RND3: variants seen among roughly 807,000 people sequenced by gnomAD.
RND3 encodes the protein Rho family GTPase 3, also known as rho-related GTP-binding protein RhoE.
RND3 carries 8 observed loss-of-function variants against 26.5 expected under a neutral mutation model. The observed-to-expected ratio is 0.30, with a 90% CI of 0.18 to 0.54. The LOEUF (loss-of-function observed/expected upper bound fraction) is 0.54, where lower values mean the gene tolerates loss of function less well. RND3 is among the 20% of genes least tolerant of loss of function. The pLI is 0.94. For missense variants in RND3, 207 were observed against 302.8 expected, an observed-to-expected ratio of 0.68 and a Z score of 2.35; for synonymous variants, 113 against 113.0, an observed-to-expected ratio of 1.00 and a Z score of 0.00.
chr2:150,471,192 T>C (rs1420829520), intron 5 of RND3, among the ~76,000 whole-genome samples: 1 of 152,196 alleles, frequency 6.6e-6, no homozygotes, highest in African/African-American at 2.4e-5. Flanking sequence ...GTAGGTTTTA[T>C]GAGAATGAGC....
intron 3 of RND3, among the ~76,000 whole-genome samples, chr2:150,483,253 G>A (rs1686306607): frequency 6.6e-6 from 1 of 150,880 alleles, no homozygotes; most frequent in Non-Finnish European, 1.5e-5. Flanking sequence ...CAACTAAAGA[G>A]GCCAGATAAG....
intron 3 of RND3, among the ~76,000 whole-genome samples, chr2:150,481,039 A>C (rs940409699): frequency 2.0e-5 from 3 of 152,180 alleles, no homozygotes; most frequent in African/African-American, 7.2e-5. Context: ...CAAGAACGTT[A>C]ATTTAAGTTA....
chr2:150,476,480 C>T (rs1350704030), intron 3 of RND3, among the ~76,000 whole-genome samples: 1 of 152,182 alleles, frequency 6.6e-6, no homozygotes, highest in African/African-American at 2.4e-5. Context: ...AGAGTGACAA[C>T]TTCAAGCCAC....
intron 3 of RND3, among the ~76,000 whole-genome samples, chr2:150,484,521 A>C (rs958571466): frequency 6.6e-6 from 1 of 152,064 alleles, no homozygotes; most frequent in Non-Finnish European, 1.5e-5. Context: ...GATGGGTTTC[A>C]TTCCTAAATC....
chr2:150,480,102 G>A (rs2105220954), intron 3 of RND3, among the ~76,000 whole-genome samples: 1 of 152,232 alleles, frequency 6.6e-6, no homozygotes, highest in East Asian at 1.9e-4. Context: ...ATATTTTACT[G>A]ACAGTGGAAC....
intron 4 of RND3, 128 bp from the exon 5 acceptor site, chr2:150,471,889 G>A (rs1686093112): frequency 2.6e-6 from 2 of 764,926 alleles, no homozygotes; most frequent in Middle Eastern, 5.9e-4. Flanking sequence ...AGTGTCCCTT[G>A]AGATGAAGAA....
Position 150,468,669 on chromosome 2 carries a change from TCTC to T in RND3, c.*1315_*1317del, listed in dbSNP as rs1686032929. ...AATAAACAGGTCAGATCTGGTTTCT[TCTC>T]TGAAAGAATCTCTAAAAGGAACTGG... is the stretch of plus-strand genomic sequence containing the variant. On this transcript the variant is annotated 3_prime_UTR_variant, in exon 6 of 6. Coordinates refer to ENST00000263895, the MANE Select transcript of RND3 (RefSeq NM_005168.5). 1.3e-5 allele frequency: 2 copies of T among 152,668 alleles called. No individual in the cohort carries two copies. The highest frequency in any genetic ancestry group is 4.1e-4 in the South Asian group (2 of 4,834). 9.5% of individuals were successfully genotyped at this position (152,668 alleles called of 1,614,324 possible).
chr2:150,485,312 C>T (rs941953296), intron 3 of RND3: 4 of 152,342 alleles, frequency 2.6e-5, no homozygotes, highest in Admixed American at 1.3e-4. Flanking sequence ...CCTCTGGCGA[C>T]CCTGTCAGTC....
Position 150,470,018 on chromosome 2 carries a change from T to C in RND3, c.704A>G (p.Lys235Arg), listed in dbSNP as rs745554710. Residue 235 changes from lysine to arginine, a missense_variant, in exon 6 of 6, where the codon AAG becomes AGG. Physicochemically the swap from Lys to Arg is conservative, Grantham distance 26. Transcript: ENST00000263895. The stretch of plus-strand genomic sequence containing the variant: ...CACAGTGCAGCTCTTCGCTTTGTCC[T>C]TTCGTAAGTCCGTAGCAACTGCCGA... ...ELSAVATDLR[K>R]DKAKSCTVM 1 of 1,614,024 alleles carries C rather than the reference T, an allele frequency of 6.2e-7. No homozygotes were observed. The highest frequency in any genetic ancestry group is 8.5e-7 in the Non-Finnish European group (1 of 1,179,924).
rs1275269933 is a variant in RND3 at position 150,486,292 on chromosome 2, C to T, written c.238+402G>A. Among the ~76,000 whole-genome samples, 2 of 152,212 alleles carry T rather than the reference C, an allele frequency of 1.3e-5. No homozygotes were observed. The highest frequency in any genetic ancestry group is 2.9e-5 in the Non-Finnish European group (2 of 68,038). Reference sequence around the variant, plus strand: ...GCGGCGCTCCCCGCCTCCCCGCCAACCAGCAGGTTAGATCTAGGAGGGGCG... The same window carrying T: ...GCGGCGCTCCCCGCCTCCCCGCCAATCAGCAGGTTAGATCTAGGAGGGGCG... On this transcript the variant is annotated intron_variant, in intron 3 of 5. Transcript: ENST00000263895. This position sits in a 1 kb window ranked among gnomAD's most constrained non-coding sequence, Gnocchi z 4.5.
chr2:150,478,579 C>CAAAAAAAAAAAAAAAAAAAAAAA (rs1229770069), intron 3 of RND3, among the ~76,000 whole-genome samples: 4 of 106,368 alleles, frequency 3.8e-5, no homozygotes, highest in African/African-American at 1.1e-4. Context: ...AGCCAAACGG[C>CAAAAAAAAAAAAAAAAAAAAAAA]AAAAAAAAAA....
At chr2:150,471,335 T>A (rs1444836017) in intron 5 of RND3, among the ~76,000 whole-genome samples, 5 of 152,196 alleles carry the variant, frequency 3.3e-5, no homozygotes. Context: ...GACTGTAAAA[T>A]CAGATTACCC....
chr2:150,475,153 A>T, intron 3 of RND3, 169 bp from the exon 4 acceptor site: 2 of 547,120 alleles, frequency 3.7e-6, no homozygotes, highest in Non-Finnish European at 6.6e-6. Context: ...GCCTGCTTAG[A>T]AATATATGAT....
chr2:150,471,914 T>A, intron 4 of RND3, 153 bp from the exon 5 acceptor site: 1 of 629,802 alleles, frequency 1.6e-6, no homozygotes, highest in East Asian at 2.8e-5. Context: ...ACTTTGCATT[T>A]ATCTCCTGAA....
intron 3 of RND3, among the ~76,000 whole-genome samples, chr2:150,477,914 C>T (rs1686193548): frequency 1.3e-5 from 2 of 152,070 alleles, no homozygotes; most frequent in African/African-American, 4.8e-5. Flanking sequence ...ATGAACAGTG[C>T]TGCTTTTAGA....
At position 150,470,149 on chromosome 2, in the gene RND3, G is replaced by T; in HGVS notation, c.573C>A (p.His191Gln). 1 of 1,613,938 alleles carries T rather than the reference G, an allele frequency of 6.2e-7. No homozygotes were observed. The highest frequency in any genetic ancestry group is 8.5e-7 in the Non-Finnish European group (1 of 1,179,910). The part of the protein sequence containing the change: ...QSENSVRDIF[H>Q]VATLACVNKT... The stretch of plus-strand genomic sequence containing the variant: ...TATTTACACATGCCAAGGTGGCAAC[G>T]TGAAAAATGTCTCTGACGCTATTTT... The change falls in exon 6 of 6, where the codon CAC (histidine) becomes CAA (glutamine). Residue 191 changes from histidine to glutamine, a missense_variant. Transcript: ENST00000263895.
rs898897246 is a variant in RND3 at position 150,486,422 on chromosome 2, C to T, written c.238+272G>A. Among the ~76,000 whole-genome samples the T allele has an allele frequency of 6.6e-6, 1 of 152,238 alleles. No individual in the cohort carries two copies. Among genetic ancestry groups the T allele is most frequent in the Non-Finnish European group, 1.5e-5 (1 of 68,034 alleles). ...ACCCAAGGCGACTTGACCACGACTC[C>T]GCGGGCGGACTGCGCCTGGCCACTA... On this transcript the variant is annotated intron_variant, in intron 3 of 5. Transcript: ENST00000263895. The surrounding 1 kb of genome is among the most constrained non-coding windows in gnomAD (Gnocchi z 4.5).
chr2:150,471,543 C>T (rs904919745), intron 5 of RND3, 84 bp downstream of exon 5: 10 of 1,206,570 alleles, frequency 8.3e-6, no homozygotes, highest in South Asian at 1.6e-5. Context: ...AAAGCAGCTA[C>T]TTTTTATTTT....
intron 3 of RND3, among the ~76,000 whole-genome samples, chr2:150,483,742 A>G (rs557045988): frequency 1.3e-5 from 2 of 152,326 alleles, no homozygotes; most frequent in East Asian, 3.9e-4. Flanking sequence ...ACAACAAATC[A>G]CTTTTGATGG....
Sources: gnomAD v4.1 joint callset for allele counts (sites outside exome capture counted in the v4.1 genomes callset) on GRCh38, gnomAD v4.1.1 for gene constraint, Gnocchi (gnomAD v3.1) non-coding constraint, MANE v1.5 for transcripts, NCBI Gene and HGNC (gene_info 2026-07-23, HGNC 2026-07-21) for gene names.